DRC11: variants seen among roughly 807,000 people sequenced by gnomAD.
DRC11 encodes the protein IQ and AAA domain-containing protein 1.
the DRC11 span, among the ~76,000 whole-genome samples, chr2:236,447,484 C>T: frequency 1.8e-4 from 26 of 148,192 alleles, 2 homozygotes; most frequent in African/African-American, 6.9e-4. The surrounding 1 kb of genome is among the most constrained non-coding windows in gnomAD (Gnocchi z 4.6). Flanking sequence ...GCATCAGCCA[C>T]ATGATGGGAC....
chr2:236,309,462 G>A, the DRC11 span, among the ~76,000 whole-genome samples: 1 of 152,178 alleles, frequency 6.6e-6, no homozygotes, highest in Non-Finnish European at 1.5e-5. This position sits in a 1 kb window ranked among gnomAD's most constrained non-coding sequence, Gnocchi z 5.7. Flanking sequence ...GTCATTGCCT[G>A]TGAGCATTTG....
the DRC11 span, among the ~76,000 whole-genome samples, chr2:236,350,940 G>A: frequency 6.6e-6 from 1 of 152,088 alleles, no homozygotes; most frequent in Non-Finnish European, 1.5e-5. The surrounding 1 kb of genome is among the most constrained non-coding windows in gnomAD (Gnocchi z 5.2). Flanking sequence ...AGTGTCAAGC[G>A]GAAGCTACTT....
chr2:236,424,625 C>CTCTGGGGTTTTCCTTTTTCTTTTT, the DRC11 span, among the ~76,000 whole-genome samples: 140 of 152,228 alleles, frequency 9.2e-4, 2 homozygotes, highest in African/African-American at 3.3e-3. Flanking sequence ...ACTAACATGT[C>CTCTGGGGTTTTCCTTTTTCTTTTT]CATCACCTTA....
the DRC11 span, among the ~76,000 whole-genome samples, chr2:236,385,125 G>A: frequency 1.3e-5 from 2 of 151,962 alleles, no homozygotes; most frequent in Non-Finnish European, 2.9e-5. Flanking sequence ...TTTGGCTTAG[G>A]ATTGACTTGG....
the DRC11 span, chr2:236,324,574 G>C: frequency 6.0e-6 from 4 of 661,742 alleles, no homozygotes; most frequent in Admixed American, 9.7e-5. This position sits in a 1 kb window ranked among gnomAD's most constrained non-coding sequence, Gnocchi z 5.7. Flanking sequence ...TTCTTCAGGC[G>C]GGCAATGGTG....
At chr2:236,431,941 T>C in the DRC11 span, among the ~76,000 whole-genome samples, 1 of 152,208 alleles carries the variant, frequency 6.6e-6, no homozygotes, top group African/African-American at 2.4e-5. The surrounding 1 kb of genome is among the most constrained non-coding windows in gnomAD (Gnocchi z 4.2). Context: ...TTCTGTTGGA[T>C]AGAGTCCTAA....
chr2:236,428,153 A>G, the DRC11 span, among the ~76,000 whole-genome samples: 1 of 152,132 alleles, frequency 6.6e-6, no homozygotes, highest in African/African-American at 2.4e-5. Context: ...GTGGCTGAAT[A>G]TATGATTTGT....
the DRC11 span, among the ~76,000 whole-genome samples, chr2:236,466,568 G>A: frequency 6.6e-6 from 1 of 152,164 alleles, no homozygotes; most frequent in Non-Finnish European, 1.5e-5. Context: ...GCCTCAGGAA[G>A]CTTACAATCA....
chr2:236,479,843 G>A, the DRC11 span, among the ~76,000 whole-genome samples: 1 of 152,084 alleles, frequency 6.6e-6, no homozygotes, highest in Non-Finnish European at 1.5e-5. The surrounding 1 kb of genome is among the most constrained non-coding windows in gnomAD (Gnocchi z 4.1). Flanking sequence ...ATCTTTAAAT[G>A]TTTTCTTTCT....
At chr2:236,440,292 A>G in the DRC11 span, among the ~76,000 whole-genome samples, 1 of 152,218 alleles carries the variant, frequency 6.6e-6, no homozygotes, top group Admixed American at 6.5e-5. Context: ...AGGGCTTTAG[A>G]GGAAGGGTTA....
the DRC11 span, among the ~76,000 whole-genome samples, chr2:236,418,602 G>C: frequency 6.6e-6 from 1 of 152,144 alleles, no homozygotes; most frequent in Non-Finnish European, 1.5e-5. Context: ...TTATTGGCAA[G>C]TTCATTCCAC....
At chr2:236,445,701 T>C in the DRC11 span, among the ~76,000 whole-genome samples, 1 of 152,066 alleles carries the variant, frequency 6.6e-6, no homozygotes, top group Non-Finnish European at 1.5e-5. This position sits in a 1 kb window ranked among gnomAD's most constrained non-coding sequence, Gnocchi z 4.8. Flanking sequence ...TAATTAGTCA[T>C]AATCTGAAAT....
At chr2:236,353,105 C>T in the DRC11 span, among the ~76,000 whole-genome samples, 1 of 152,212 alleles carries the variant, frequency 6.6e-6, no homozygotes, top group African/African-American at 2.4e-5. This position sits in a 1 kb window ranked among gnomAD's most constrained non-coding sequence, Gnocchi z 5.0. Flanking sequence ...CTTTGCTTTT[C>T]TAATTTTCAT....
the DRC11 span, among the ~76,000 whole-genome samples, chr2:236,451,630 G>C: frequency 6.6e-6 from 1 of 152,118 alleles, no homozygotes; most frequent in African/African-American, 2.4e-5. Context: ...AAATGATAAG[G>C]CTCACAGGTG....
chr2:236,335,191 G>A, the DRC11 span, among the ~76,000 whole-genome samples: 2 of 152,158 alleles, frequency 1.3e-5, no homozygotes, highest in East Asian at 1.9e-4. The surrounding 1 kb of genome is among the most constrained non-coding windows in gnomAD (Gnocchi z 5.6). Context: ...CTAAGCCACC[G>A]TCTATGTTAC....
the DRC11 span, chr2:236,368,400 A>C: frequency 7.7e-6 from 5 of 651,692 alleles, no homozygotes; most frequent in Admixed American, 7.8e-5. Context: ...ATACAAATTG[A>C]ACATTTCAGA....
At chr2:236,458,692 G>C in the DRC11 span, among the ~76,000 whole-genome samples, 1 of 152,074 alleles carries the variant, frequency 6.6e-6, no homozygotes, top group Non-Finnish European at 1.5e-5. Context: ...GCTGGGGACA[G>C]TATCATTTTT....
At chr2:236,358,603 G>C in the DRC11 span, among the ~76,000 whole-genome samples, 1 of 145,510 alleles carries the variant, frequency 6.9e-6, no homozygotes, top group Non-Finnish European at 1.5e-5. Context: ...AGTAAACCAG[G>C]GGACAGCGGA....
chr2:236,450,977 A>G, the DRC11 span, among the ~76,000 whole-genome samples: 4 of 152,226 alleles, frequency 2.6e-5, no homozygotes, highest in Non-Finnish European at 5.9e-5. Context: ...TAAATTACCT[A>G]GAGCAGATTT....
Sources: allele counts gnomAD v4.1 joint callset (sites outside exome capture counted in the v4.1 genomes callset), GRCh38; gene constraint gnomAD v4.1.1; non-coding constraint Gnocchi (gnomAD v3.1); transcripts MANE v1.5; gene names NCBI Gene and HGNC (gene_info 2026-07-23, HGNC 2026-07-21).